SYNJ1: variants seen among roughly 807,000 people sequenced by gnomAD.
The protein encoded by SYNJ1 is synaptojanin 1, also known as polyphosphatidylinositol phosphatase SYNJ1.
SYNJ1 carries 78 observed loss-of-function variants against 168.2 expected under a neutral mutation model. The observed-to-expected ratio is 0.46, with a 90% CI of 0.39 to 0.56. The LOEUF is 0.56. SYNJ1 is among the 20% of genes least tolerant of loss of function. The probability of loss-of-function intolerance (pLI) is 0.00; values close to 1 mark genes in which losing one functional copy is unlikely to be tolerated. For synonymous variants in SYNJ1, 539 were observed against 548.6 expected (o/e 0.98, Z 0.24); for missense variants, 1,303 against 1,597.6 (o/e 0.82, Z 3.14).
intron 2 of SYNJ1, among the ~76,000 whole-genome samples, chr21:32,709,948 C>A (rs1273743758): frequency 6.6e-6 from 1 of 151,892 alleles, no homozygotes; most frequent in Non-Finnish European, 1.5e-5. Flanking sequence ...CCTGTAATCC[C>A]AGCACTTTGG....
At chr21:32,706,662 C>T (rs898756938) in intron 2 of SYNJ1, among the ~76,000 whole-genome samples, 16 of 152,092 alleles carry the variant, frequency 1.1e-4, no homozygotes, top group Non-Finnish European at 2.1e-4. Context: ...GCTTTTATCT[C>T]TGACGTTAAT....
intron 15 of SYNJ1, among the ~76,000 whole-genome samples, chr21:32,669,389 ATCCTTACAGCT>A (rs1484536336): frequency 2.0e-5 from 3 of 152,206 alleles, no homozygotes; most frequent in Non-Finnish European, 4.4e-5. Flanking sequence ...TGCTACCATG[ATCCTTACAGCT>A]TCCCAACAAT....
At chr21:32,708,634 A>C (rs1601500611) in intron 2 of SYNJ1, among the ~76,000 whole-genome samples, 1 of 152,236 alleles carries the variant, frequency 6.6e-6, no homozygotes, top group East Asian at 1.9e-4. Flanking sequence ...CAACTTCTAA[A>C]GTTTCTGCTA....
At chr21:32,643,316 G>C in intron 27 of SYNJ1, 94 bp downstream of exon 27, 1 of 1,268,140 alleles carries the variant, frequency 7.9e-7, no homozygotes, top group African/African-American at 1.5e-5. Flanking sequence ...AAAAGATTTA[G>C]TATGCCTGCA....
chr21:32,701,342 CT>C (rs1181696267), intron 3 of SYNJ1, among the ~76,000 whole-genome samples: 1 of 151,916 alleles, frequency 6.6e-6, no homozygotes, highest in Non-Finnish European at 1.5e-5. Flanking sequence ...GTTGAGCTGA[CT>C]TTTTTTTCTA....
intron 6 of SYNJ1, among the ~76,000 whole-genome samples, chr21:32,691,712 T>C (rs1453436971): frequency 6.6e-6 from 1 of 152,232 alleles, no homozygotes; most frequent in Non-Finnish European, 1.5e-5. Context: ...AACAAATTCA[T>C]CTTGGTATTT....
intron 31 of SYNJ1, among the ~76,000 whole-genome samples, chr21:32,636,416 G>A (rs1333167814): frequency 6.6e-6 from 1 of 152,108 alleles, no homozygotes; most frequent in South Asian, 2.1e-4. Context: ...GTAAAACTGG[G>A]TCATATACAT....
At chr21:32,707,562 G>A (rs908785695) in intron 2 of SYNJ1, among the ~76,000 whole-genome samples, 1 of 151,966 alleles carries the variant, frequency 6.6e-6, no homozygotes, top group Non-Finnish European at 1.5e-5. Flanking sequence ...TGAAACTTCT[G>A]GCTTCAAGTG....
At chr21:32,699,191 G>C (rs539456002) in intron 4 of SYNJ1, among the ~76,000 whole-genome samples, 3 of 152,128 alleles carry the variant, frequency 2.0e-5, no homozygotes, top group South Asian at 4.2e-4. Flanking sequence ...AAGTTTTATT[G>C]AGGAAGTACA....
intron 14 of SYNJ1, among the ~76,000 whole-genome samples, chr21:32,671,865 C>T (rs1458580089): frequency 2.6e-5 from 4 of 151,682 alleles, no homozygotes; most frequent in African/African-American, 4.8e-5. Context: ...TGAGACCAGC[C>T]TGGCCAACAT....
chr21:32,724,140 G>T (rs2043355746), intron 2 of SYNJ1, among the ~76,000 whole-genome samples: 1 of 152,180 alleles, frequency 6.6e-6, no homozygotes, highest in African/African-American at 2.4e-5. Context: ...ACAGGTTGAG[G>T]AGTACAAACT....
intron 5 of SYNJ1, 65 bp downstream of exon 5, chr21:32,694,992 A>C: frequency 1.4e-6 from 2 of 1,402,394 alleles, no homozygotes; most frequent in Non-Finnish European, 2.0e-6. Flanking sequence ...AAAATCTGTT[A>C]TTCTAGTATT....
At chr21:32,689,585 G>T (rs375739904) in intron 6 of SYNJ1, among the ~76,000 whole-genome samples, 5 of 152,356 alleles carry the variant, frequency 3.3e-5, no homozygotes, top group African/African-American at 9.6e-5. Flanking sequence ...ATGAGCCACC[G>T]CGCCCCGCGC....
At chr21:32,684,953 G>T (rs1286775577) in intron 9 of SYNJ1, among the ~76,000 whole-genome samples, 1 of 152,016 alleles carries the variant, frequency 6.6e-6, no homozygotes, top group Non-Finnish European at 1.5e-5. Flanking sequence ...GCGGAGGCGG[G>T]TGGATCACGA....
chr21:32,660,786 T>C (rs972231884), intron 18 of SYNJ1, among the ~76,000 whole-genome samples: 4 of 152,164 alleles, frequency 2.6e-5, no homozygotes, highest in Non-Finnish European at 5.9e-5. Context: ...GAGCATTATA[T>C]AAGGAAAAGG....
intron 21 of SYNJ1, 144 bp from the exon 22 acceptor site, chr21:32,653,510 G>T: frequency 1.6e-6 from 1 of 627,984 alleles, no homozygotes; most frequent in South Asian, 2.0e-5. Flanking sequence ...TAGGGCTGGT[G>T]GTGACCTGGA....
chr21:32,695,731 C>T (rs537612354), intron 4 of SYNJ1, among the ~76,000 whole-genome samples: 4 of 151,092 alleles, frequency 2.6e-5, no homozygotes, highest in East Asian at 1.9e-4. Context: ...GGCATTATCT[C>T]GTCTCACTGC....
chr21:32,643,389 A>G (rs770313561), intron 27 of SYNJ1, 21 bp downstream of exon 27: 2 of 1,613,324 alleles, frequency 1.2e-6, no homozygotes, highest in East Asian at 2.2e-5. Flanking sequence ...AACCACTTCT[A>G]TAATGCAAGA....
rs2039333969 is a variant in SYNJ1, at chr21:32,631,662, G to T, written c.*143C>A. The T allele has an allele frequency of 6.2e-7, 1 of 1,614,084 alleles. No homozygotes were observed. The highest frequency in any genetic ancestry group is 1.1e-5 in the South Asian group (1 of 91,086). ...AGAAGGCAACTGAATCAACCTCTTT[G>T]GGTCTGGGGTGGGAACAGGTGACGT... On this transcript the variant is annotated 3_prime_UTR_variant, in exon 33 of 33. Transcript: ENST00000674351.
Sources: gnomAD v4.1 joint callset for allele counts (sites outside exome capture counted in the v4.1 genomes callset) on GRCh38, gnomAD v4.1.1 for gene constraint, MANE v1.5 for transcripts, NCBI Gene and HGNC (gene_info 2026-07-23, HGNC 2026-07-21) for gene names.